Variants in SETBP1 observed in about 807,000 individuals in gnomAD.
SETBP1 encodes SET binding protein 1.
SETBP1 carries 9 observed loss-of-function variants against 101.0 expected under a neutral mutation model. The ratio of observed to expected loss-of-function variants is 0.09; its 90% CI spans 0.05 to 0.16. SETBP1 has a LOEUF of 0.16. Ranked by LOEUF, SETBP1 falls within the 10% of genes least tolerant of loss-of-function variation. The probability of loss-of-function intolerance (pLI) is 1.00; values close to 1 mark genes in which losing one functional copy is unlikely to be tolerated. For missense variants in SETBP1, 1,858 were observed against 2,033.8 expected (o/e 0.91, Z 1.66); for synonymous variants, 818 against 788.5 (o/e 1.04, Z -0.63).
chr18:44,727,160 A>G (rs1400094688), intron 2 of SETBP1, among the ~76,000 whole-genome samples: 1 of 149,622 alleles, frequency 6.7e-6, no homozygotes, highest in Non-Finnish European at 1.5e-5. Context: ...GATGAGTTGC[A>G]TGCATTTGAC....
intron 2 of SETBP1, among the ~76,000 whole-genome samples, chr18:44,755,044 T>G (rs1311753916): frequency 2.0e-5 from 3 of 152,242 alleles, no homozygotes. Context: ...CACTGAAAGA[T>G]ATGAACTACT....
chr18:44,856,941 G>C (rs1206030247), intron 2 of SETBP1, among the ~76,000 whole-genome samples: 3 of 152,106 alleles, frequency 2.0e-5, no homozygotes, highest in Non-Finnish European at 2.9e-5. Context: ...CGGTTCTTAT[G>C]CTCTCCAAAT....
In SETBP1 at chr18:45,038,661, C is replaced by T; in HGVS notation, c.4171+6C>T. ...TGCAGCAACGTCGGATGCAGGTGAG[C>T]ACTTTTCAGATGCTTTGGGTTCACC... is the stretch of plus-strand genomic sequence containing the variant. On this transcript the variant is annotated splice_donor_region_variant and intron_variant, in intron 5 of 5. Coordinates refer to ENST00000649279, the MANE Select transcript of SETBP1 (RefSeq NM_015559.3). The T allele has an allele frequency of 4.3e-6, 7 of 1,613,802 alleles. No homozygotes were observed. Among genetic ancestry groups the T allele is most frequent in the Non-Finnish European group, 5.9e-6 (7 of 1,179,910 alleles).
At position 45,065,650 on chromosome 18, in the gene SETBP1, G is replaced by A. The variant is rs1183601253; in HGVS notation, c.*1952G>A. The A allele has an allele frequency of 6.6e-6, 1 of 152,188 alleles. No homozygotes were observed. The highest frequency in any genetic ancestry group is 1.5e-5 in the Non-Finnish European group (1 of 68,042). 9.4% of individuals were successfully genotyped at this position (152,188 alleles called of 1,614,324 possible). On this transcript the variant is annotated 3_prime_UTR_variant, in exon 6 of 6. Coordinates refer to ENST00000649279, the MANE Select transcript of SETBP1 (RefSeq NM_015559.3). ...CCACGTAGTCATACTCCTGTGCTCT[G>A]TCACCATGGACTTCACATCATTTGC...
intron 3 of SETBP1, among the ~76,000 whole-genome samples, chr18:44,932,160 G>T (rs1359029473): frequency 2.6e-5 from 4 of 152,150 alleles, no homozygotes; most frequent in Non-Finnish European, 4.4e-5. Flanking sequence ...CTCAGCATTT[G>T]TTTATTGTAA....
chr18:44,806,661 T>C (rs1173909484), intron 2 of SETBP1, among the ~76,000 whole-genome samples: 1 of 132,418 alleles, frequency 7.6e-6, no homozygotes, highest in Non-Finnish European at 1.6e-5. Flanking sequence ...TTTTTTTTTT[T>C]TTTGGCAATG....
At chr18:45,022,513 A>T (rs2073091336) in intron 4 of SETBP1, among the ~76,000 whole-genome samples, 1 of 152,140 alleles carries the variant, frequency 6.6e-6, no homozygotes, top group Non-Finnish European at 1.5e-5. Flanking sequence ...TGAGCCTGTG[A>T]TCCTTCTCAC....
At chr18:45,019,269 T>C (rs1459638170) in intron 4 of SETBP1, among the ~76,000 whole-genome samples, 2 of 152,228 alleles carry the variant, frequency 1.3e-5, no homozygotes, top group African/African-American at 4.8e-5. Context: ...TGTTTTACTG[T>C]CAGGTTTGTT....
chr18:44,711,823 C>T (rs563756453), intron 2 of SETBP1, among the ~76,000 whole-genome samples: 5 of 152,096 alleles, frequency 3.3e-5, no homozygotes, highest in African/African-American at 9.6e-5. Context: ...TACAGGCCAC[C>T]GGCCTGGGCT....
intron 2 of SETBP1, among the ~76,000 whole-genome samples, chr18:44,777,057 T>C (rs1489508211): frequency 1.3e-5 from 2 of 152,222 alleles, no homozygotes; most frequent in African/African-American, 4.8e-5. Flanking sequence ...GGCTCATGCC[T>C]GTAATCCCAG....
At chr18:44,876,874 C>T (rs1287427908) in intron 3 of SETBP1, 2 of 1,402,700 alleles carry the variant, frequency 1.4e-6, no homozygotes, top group Non-Finnish European at 1.9e-6. Context: ...ATGATCTTCT[C>T]TGCCTGCTAG....
intron 3 of SETBP1, among the ~76,000 whole-genome samples, chr18:44,933,225 C>G (rs6507589): frequency 0.11 from 16,514 of 152,248 alleles, 887 homozygotes; most frequent in East Asian, 0.15. Context: ...CCCTCCAGAC[C>G]CTGTTTGCCT....
chr18:45,039,328 A>G (rs1599482557), intron 5 of SETBP1, among the ~76,000 whole-genome samples: 1 of 152,038 alleles, frequency 6.6e-6, no homozygotes, highest in African/African-American at 2.4e-5. Flanking sequence ...AGTGCCTCCC[A>G]CCAGCCCCTG....
chr18:44,805,405 A>AGT (rs4024593), intron 2 of SETBP1, among the ~76,000 whole-genome samples: 9,326 of 144,490 alleles, frequency 0.065, 354 homozygotes, highest in African/African-American at 0.12. Context: ...TGCACATGTA[A>AGT]GTGTGTGTGT....
intron 4 of SETBP1, among the ~76,000 whole-genome samples, chr18:45,005,017 A>C (rs2145350656): frequency 6.6e-6 from 1 of 152,342 alleles, no homozygotes; most frequent in East Asian, 1.9e-4. Context: ...TAAATAGTAG[A>C]AGAAGCCAAG....
intron 2 of SETBP1, among the ~76,000 whole-genome samples, chr18:44,832,779 GA>G (rs2072403879): frequency 6.6e-6 from 1 of 152,210 alleles, no homozygotes; most frequent in Admixed American, 6.5e-5. Context: ...CCCTGAATGA[GA>G]AACAGCTGTC....
intron 3 of SETBP1, among the ~76,000 whole-genome samples, chr18:44,900,967 C>A (rs1326222431): frequency 6.6e-6 from 1 of 152,180 alleles, no homozygotes; most frequent in Admixed American, 6.5e-5. Context: ...ATACTAGAAA[C>A]AAATAAAATC....
chr18:44,957,128 C>T lies in SETBP1; in HGVS notation c.4000+3788C>T, dbSNP rs543255089. Among the ~76,000 whole-genome samples, 3 of 152,252 alleles carry T rather than the reference C, an allele frequency of 2.0e-5. No homozygotes were observed. The East Asian group carries it at 5.8e-4, about 29-fold the overall frequency. The stretch of plus-strand genomic sequence containing the variant: ...GCTCCTATTTGGGCCTGTCTGTCGG[C>T]AGGCATTGCCTTCTCTTGCACACTA... On this transcript the variant is annotated intron_variant, in intron 4 of 5. Transcript: ENST00000649279.
intron 2 of SETBP1, among the ~76,000 whole-genome samples, chr18:44,721,322 G>C (rs2069590121): frequency 6.6e-6 from 1 of 152,166 alleles, no homozygotes; most frequent in African/African-American, 2.4e-5. Context: ...TTGTTTCCAG[G>C]AGTTATGCCT....
Sources: allele counts gnomAD v4.1 joint callset (sites outside exome capture counted in the v4.1 genomes callset), GRCh38; gene constraint gnomAD v4.1.1; transcripts MANE v1.5; gene names NCBI Gene and HGNC (gene_info 2026-07-23, HGNC 2026-07-21).